The following SUPT6H variants were observed in gnomAD, a reference collection of about 807,000 sequenced individuals.
SUPT6H encodes the protein transcription elongation factor SPT6.
A neutral mutation model predicts 222.3 loss-of-function variants in SUPT6H; 11 were observed. That is an observed-to-expected ratio of 0.05 (90% CI 0.03 to 0.08). SUPT6H has a LOEUF of 0.08. Ranked by LOEUF, SUPT6H falls within the 10% of genes least tolerant of loss-of-function variation. SUPT6H has a pLI of 1.00. For missense variants in SUPT6H, 1,422 were observed against 2,216.0 expected, an observed-to-expected ratio of 0.64 and a Z score of 7.19; for synonymous variants, 762 against 801.2, an observed-to-expected ratio of 0.95 and a Z score of 0.83.
intron 1 of SUPT6H, among the ~76,000 whole-genome samples, chr17:28,668,002 C>G (rs2030187779): frequency 6.6e-6 from 1 of 152,082 alleles, no homozygotes; most frequent in African/African-American, 2.4e-5. Context: ...TCTTAATTGC[C>G]TACTACAACT....
intron 15 of SUPT6H, 50 bp from the exon 16 acceptor site, chr17:28,683,218 G>A (rs780409432): frequency 6.3e-7 from 1 of 1,599,338 alleles, no homozygotes; most frequent in African/African-American, 1.3e-5. Flanking sequence ...TTCTCCTGGG[G>A]CCTGGCCCAG....
chr17:28,674,727 G>T (rs532394701), intron 4 of SUPT6H, 114 bp downstream of exon 4: 1 of 1,014,834 alleles, frequency 9.9e-7, no homozygotes, highest in African/African-American at 1.6e-5. Context: ...ATTAGAGCAC[G>T]GTGTTCGGTA....
chr17:28,679,028 G>A (rs2030927626), intron 11 of SUPT6H, 65 bp downstream of exon 11: 4 of 1,601,622 alleles, frequency 2.5e-6, no homozygotes, highest in African/African-American at 1.3e-5. Context: ...CCCTGCAGGA[G>A]CACTGTTAAA....
chr17:28,696,204 G>A (rs2031903772), intron 29 of SUPT6H, among the ~76,000 whole-genome samples: 1 of 150,916 alleles, frequency 6.6e-6, no homozygotes, highest in South Asian at 2.1e-4. Flanking sequence ...TACTGAGGCA[G>A]GAGAATTGCT....
intron 30 of SUPT6H, 88 bp downstream of exon 30, chr17:28,697,170 C>T (rs529275573): frequency 1.9e-4 from 210 of 1,123,488 alleles, no homozygotes; most frequent in Non-Finnish European, 2.6e-4. Context: ...ATTAGTAACT[C>T]GGGTCATAGG....
chr17:28,680,613 C>T (rs533190614), intron 11 of SUPT6H, among the ~76,000 whole-genome samples: 19 of 152,118 alleles, frequency 1.2e-4, no homozygotes, highest in Non-Finnish European at 1.9e-4. Context: ...TAAATAAATA[C>T]GATATGTTCT....
At position 28,667,433 on chromosome 17, in the gene SUPT6H, A is replaced by G. The variant is rs1394790392; in HGVS notation, c.-32+5091A>G. 8.2e-4 allele frequency among the ~76,000 whole-genome samples: 111 copies of G among 134,916 alleles called. 2 individuals are homozygous for G. Among genetic ancestry groups the G allele is most frequent in the African/African-American group, 2.6e-3 (94 of 36,076 alleles). The allele number at this position is 134,916 out of a possible 152,430, so 88.5% of individuals were successfully genotyped here. On this transcript the variant is annotated intron_variant, in intron 1 of 36. Transcript: ENST00000314616. ...TATATATATATATATATATATATAT[A>G]TATGTATGTGTGTGTGTATACATAT...
Position 28,702,315 on chromosome 17 carries a change from CCT to C in SUPT6H, c.*691_*692del, listed in dbSNP as rs1426976958. On this transcript the variant is annotated 3_prime_UTR_variant, in exon 37 of 37. Transcript: ENST00000314616. The stretch of plus-strand genomic sequence containing the variant: ...CAGTGTTTGGAGCTCCAAGGACTCC[CCT>C]GACTCCCTCTTCTGATCCATCAGAG... 2 of 152,754 alleles carry C rather than the reference CCT, an allele frequency of 1.3e-5. No homozygotes were observed. The highest frequency in any genetic ancestry group is 4.8e-5 in the African/African-American group (2 of 41,442). 9.5% of individuals were successfully genotyped at this position (152,754 alleles called of 1,614,324 possible). A position where few individuals can be genotyped will look rare whatever the true frequency, so the allele number is the denominator to read the frequency against.
intron 9 of SUPT6H, 74 bp downstream of exon 9, chr17:28,678,266 A>G: frequency 7.5e-7 from 1 of 1,333,454 alleles, no homozygotes; most frequent in African/African-American, 1.5e-5. Flanking sequence ...AATTACCTAA[A>G]TGAGGTGGGA....
chr17:28,685,013 A>G, intron 19 of SUPT6H, 52 bp downstream of exon 19: 3 of 1,521,574 alleles, frequency 2.0e-6, no homozygotes, highest in Non-Finnish European at 2.7e-6. Context: ...ATGTCTTATG[A>G]TTCAGTGGAG....
Position 28,689,537 on chromosome 17 carries a change from C to G in SUPT6H, c.3318C>G (p.Ala1106=). 1 of 1,614,154 alleles carries G rather than the reference C, an allele frequency of 6.2e-7. No individual in the cohort carries two copies. The highest frequency in any genetic ancestry group is 8.5e-7 in the Non-Finnish European group (1 of 1,180,032). The change falls in exon 25 of 37, where the codon GCC becomes GCG. Residue 1106 remains alanine (A), a synonymous_variant. Coordinates refer to ENST00000314616, the MANE Select transcript of SUPT6H (RefSeq NM_003170.5). ...PERLKDLDLD[A]FAEELERQGY... The stretch of plus-strand genomic sequence containing the variant: ...GACTGAAAGACCTGGACCTTGATGC[C>G]TTTGCAGAAGAGCTGGAGAGGCAGG...
intron 1 of SUPT6H, among the ~76,000 whole-genome samples, chr17:28,669,717 T>C (rs971362729): frequency 7.9e-5 from 12 of 152,128 alleles, no homozygotes; most frequent in African/African-American, 2.9e-4. Flanking sequence ...GGTGGATCAC[T>C]TGAGGTCAGG....
chr17:28,673,164 A>G (rs2030532324), intron 1 of SUPT6H, among the ~76,000 whole-genome samples: 1 of 151,954 alleles, frequency 6.6e-6, no homozygotes, highest in African/African-American at 2.4e-5. Flanking sequence ...AAAAAAAAAA[A>G]AAAGTACATA....
rs893756556 is a variant in SUPT6H, at chr17:28,695,621, G to A, written c.3970+74G>A. The stretch of plus-strand genomic sequence containing the variant: ...TCCCAGTGCAGGATTCAGGCCACAG[G>A]ATGCACATGTGTCAGTCTCCCAGTG... On this transcript the variant is annotated intron_variant, in intron 29 of 36. Transcript: ENST00000314616. The A allele has an allele frequency of 1.3e-4, 188 of 1,484,756 alleles. 3 individuals carry two copies. The South Asian group carries it at 2.4e-3, about 19-fold the overall frequency. 92.0% of individuals were successfully genotyped at this position (1,484,756 alleles called of 1,614,324 possible). A position where few individuals can be genotyped will look rare whatever the true frequency, so the allele number is the denominator to read the frequency against.
chr17:28,677,991 G>A, intron 8 of SUPT6H, 85 bp from the exon 9 acceptor site: 1 of 1,436,160 alleles, frequency 7.0e-7, no homozygotes, highest in Non-Finnish European at 9.7e-7. Context: ...ATCTAGAAAG[G>A]TTATCCTTTG....
In SUPT6H at chr17:28,699,883, T is replaced by A; in HGVS notation, c.4551T>A (p.Asp1517Glu). ...GATGGTTTAAGGATCACTACCAGGA[T>A]CCTGTACCAGGTGAGTTCTGCTCTT... is the stretch of plus-strand genomic sequence containing the variant. ...LFRWFKDHYQDPVPGITPSSS... is the reference protein window; with the variant it reads ...LFRWFKDHYQEPVPGITPSSS... The change falls in exon 33 of 37, where the codon GAT becomes GAA. Residue 1517 changes from aspartate to glutamate, a missense_variant. Around this residue, in one of 13 missense-constraint regions of SUPT6H, gnomAD observed 395 missense variants for 580.6 expected, o/e 0.68. Coordinates refer to ENST00000314616, the MANE Select transcript of SUPT6H (RefSeq NM_003170.5). 1.9e-6 allele frequency: 3 copies of A among 1,614,000 alleles called. No individual in the cohort carries two copies. Among genetic ancestry groups the A allele is most frequent in the Non-Finnish European group, 2.5e-6 (3 of 1,179,890 alleles).
Position 28,684,950 on chromosome 17 carries a change from C to T in SUPT6H, c.2476C>T (p.Arg826Trp). 1 of 1,613,806 alleles carries T rather than the reference C, an allele frequency of 6.2e-7. No homozygotes were observed. Residue 826 changes from arginine (R) to tryptophan (W), a missense_variant, in exon 19 of 37, where the codon CGG becomes TGG. Transcript: ENST00000314616. ...GCGAACTGCATGGAGAGAGGAAGAG[C>T]GGGAAAAGAAGGCAAGTGGCTAGGA... ...KRRTAWREEE[R>W]EKKAQDIETL...
chr17:28,674,832 A>G, intron 4 of SUPT6H, 138 bp from the exon 5 acceptor site: 1 of 1,140,488 alleles, frequency 8.8e-7, no homozygotes, highest in Non-Finnish European at 1.2e-6. Flanking sequence ...TGAGGCTACA[A>G]GAGCATCACT....
chr17:28,690,799 G>T (rs1165093489), intron 26 of SUPT6H, 122 bp from the exon 27 acceptor site: 1 of 1,118,154 alleles, frequency 8.9e-7, no homozygotes, highest in African/African-American at 1.6e-5. Context: ...AATAAAAATC[G>T]GGAAGAGTTC....
Sources: gnomAD v4.1 joint callset for allele counts (sites outside exome capture counted in the v4.1 genomes callset) on GRCh38, gnomAD v4.1.1 for gene constraint, gnomAD v4.1.1 regional missense constraint, MANE v1.5 for transcripts, NCBI Gene and HGNC (gene_info 2026-07-23, HGNC 2026-07-21) for gene names.